AGMO: variants seen among roughly 807,000 people sequenced by gnomAD.
AGMO encodes the protein glyceryl-ether monooxygenase.
In AGMO, 75 loss-of-function variants were observed where a neutral mutation model predicts 60.2. That is an observed-to-expected ratio of 1.25 (90% CI 1.03 to 1.51). The LOEUF (loss-of-function observed/expected upper bound fraction) is 1.51. AGMO is among the 40% of genes most tolerant of loss of function. AGMO has a pLI of 0.00. For synonymous variants in AGMO, 261 were observed against 177.1 expected (o/e 1.47, Z -3.76); for missense variants, 763 against 525.5 (o/e 1.45, Z -4.42).
Position 15,377,893 on chromosome 7 carries a change from G to A in AGMO, c.1074+7553C>T, listed in dbSNP as rs370565421. The stretch of plus-strand genomic sequence containing the variant: ...GATGTTTAGGTGTGCACTGCCAAGC[G>A]TAATGTGGTTCATGCCACAGTTATA... On this transcript the variant is annotated intron_variant, in intron 10 of 12. Coordinates refer to ENST00000342526, the MANE Select transcript of AGMO (RefSeq NM_001004320.2). 5.5e-4 allele frequency among the ~76,000 whole-genome samples: 83 copies of A among 152,076 alleles called. No individual in the cohort carries two copies. In the East Asian group the frequency reaches 0.011, roughly 21 times the overall value.
At chr7:15,335,171 G>A (rs992360275) in intron 12 of AGMO, among the ~76,000 whole-genome samples, 3 of 152,136 alleles carry the variant, frequency 2.0e-5, no homozygotes, top group African/African-American at 4.8e-5. Flanking sequence ...CAGCTGAAGT[G>A]ATGATGGCAT....
intron 12 of AGMO, among the ~76,000 whole-genome samples, chr7:15,247,793 A>G (rs1782793299): frequency 6.6e-6 from 1 of 152,092 alleles, no homozygotes; most frequent in Non-Finnish European, 1.5e-5. Context: ...ATTTCCATAT[A>G]CACCAAACCA....
At chr7:15,428,494 T>C (rs374052228) in intron 4 of AGMO, among the ~76,000 whole-genome samples, 28 of 152,250 alleles carry the variant, frequency 1.8e-4, no homozygotes, top group African/African-American at 5.5e-4. Flanking sequence ...TCATTTTACA[T>C]AGATTTTTGC....
intron 3 of AGMO, among the ~76,000 whole-genome samples, chr7:15,533,990 T>A (rs755423474): frequency 2.6e-5 from 4 of 152,010 alleles, no homozygotes; most frequent in Non-Finnish European, 4.4e-5. Flanking sequence ...TTCGAGAGAA[T>A]AAAACTATAT....
intron 5 of AGMO, among the ~76,000 whole-genome samples, chr7:15,394,429 A>T (rs947896636): frequency 2.0e-5 from 3 of 152,192 alleles, no homozygotes; most frequent in African/African-American, 7.2e-5. Flanking sequence ...CTTTCAGTTC[A>T]GCTCCAGGAA....
At chr7:15,303,248 T>A (rs1780503410) in intron 12 of AGMO, among the ~76,000 whole-genome samples, 1 of 152,156 alleles carries the variant, frequency 6.6e-6, no homozygotes, top group South Asian at 2.1e-4. Context: ...AATGGTACAT[T>A]CAAATTATAA....
At chr7:15,204,900 C>T (rs906630145) in intron 12 of AGMO, among the ~76,000 whole-genome samples, 6 of 152,018 alleles carry the variant, frequency 3.9e-5, no homozygotes, top group Admixed American at 1.3e-4. Flanking sequence ...GCTATGTTGC[C>T]CAAACTGGAC....
At chr7:15,123,937 A>G in the AGMO span, among the ~76,000 whole-genome samples, 1 of 152,220 alleles carries the variant, frequency 6.6e-6, no homozygotes, top group African/African-American at 2.4e-5. Flanking sequence ...AACTTTTTGT[A>G]GCACTTCTAT....
At chr7:15,162,810 G>T in the AGMO span, among the ~76,000 whole-genome samples, 1 of 152,134 alleles carries the variant, frequency 6.6e-6, no homozygotes, top group African/African-American at 2.4e-5. Context: ...CTCCAGCTTT[G>T]TTCTTTAGCT....
chr7:15,248,185 T>TATATAC (rs1443907158), intron 12 of AGMO, among the ~76,000 whole-genome samples: 871 of 42,750 alleles, frequency 0.02, 27 homozygotes, highest in African/African-American at 0.06. Context: ...GCACCATATA[T>TATATAC]ATATATATAT....
chr7:15,431,015 T>C lies in AGMO; in HGVS notation c.503A>G (p.Tyr168Cys). Residue 168 changes from tyrosine to cysteine, a missense_variant, in exon 4 of 13, where the codon TAT becomes TGT. Tyr to Cys is a radical substitution (Grantham distance 194, BLOSUM62 -2). Coordinates refer to ENST00000342526, the MANE Select transcript of AGMO (RefSeq NM_001004320.2). ...TTTCATACAACTTACCCAGGAAGTA[T>C]ATATCTGGAGGACAGACTGTCTCAG... is the stretch of plus-strand genomic sequence containing the variant. ...TALRQSVLQIYTSWIFYSPLA... is the reference protein window; with the variant it reads ...TALRQSVLQICTSWIFYSPLA... The C allele has an allele frequency of 6.3e-7, 1 of 1,593,258 alleles. No individual in the cohort carries two copies. The highest frequency in any genetic ancestry group is 1.7e-5 in the Admixed American group (1 of 58,914).
Position 15,267,742 on chromosome 7 carries a change from C to G in AGMO, c.1264-66383G>C, listed in dbSNP as rs116470145. The stretch of plus-strand genomic sequence containing the variant: ...AAACAGAAACTGGAACATTGAAGAG[C>G]AGTGATTACACAAGCTGAAGGGAAA... On this transcript the variant is annotated intron_variant, in intron 12 of 12. Transcript: ENST00000342526. 9.3e-3 allele frequency among the ~76,000 whole-genome samples: 1,419 copies of G among 151,914 alleles called. 25 individuals carry two copies. The highest frequency in any genetic ancestry group is 0.033 in the African/African-American group (1,381 of 41,472).
chr7:15,226,547 C>T (rs1000067934), intron 12 of AGMO, among the ~76,000 whole-genome samples: 61 of 151,984 alleles, frequency 4.0e-4, no homozygotes, highest in African/African-American at 1.4e-3. Context: ...CATATGAAGC[C>T]ATGCTAAATT....
At chr7:15,388,612 G>A (rs915633169) in intron 8 of AGMO, among the ~76,000 whole-genome samples, 2 of 152,080 alleles carry the variant, frequency 1.3e-5, no homozygotes, top group African/African-American at 4.8e-5. Context: ...CCAATGCTCT[G>A]AAAATGTGTG....
intron 12 of AGMO, among the ~76,000 whole-genome samples, chr7:15,344,927 G>C (rs948695864): frequency 6.6e-6 from 1 of 152,114 alleles, no homozygotes; most frequent in African/African-American, 2.4e-5. Context: ...TTGTTTTCTT[G>C]AGATGCAAAG....
At chr7:15,361,407 G>A (rs1442125529) in intron 12 of AGMO, among the ~76,000 whole-genome samples, 2 of 151,532 alleles carry the variant, frequency 1.3e-5, no homozygotes, top group Non-Finnish European at 2.9e-5. Context: ...GGGCGTGGTG[G>A]CGGGCACCTG....
At chr7:15,539,319 G>T (rs1443583368) in intron 3 of AGMO, among the ~76,000 whole-genome samples, 1 of 151,984 alleles carries the variant, frequency 6.6e-6, no homozygotes, top group African/African-American at 2.4e-5. Context: ...CGAGTTGGCT[G>T]CAGTGTCTGT....
intron 3 of AGMO, among the ~76,000 whole-genome samples, chr7:15,489,528 A>C (rs564181067): frequency 5.1e-4 from 78 of 152,264 alleles, no homozygotes; most frequent in African/African-American, 1.8e-3. Flanking sequence ...TCAGCCAGGA[A>C]AGATTTATGG....
chr7:15,525,548 T>A (rs76218601), intron 3 of AGMO, among the ~76,000 whole-genome samples: 2,022 of 152,248 alleles, frequency 0.013, 44 homozygotes, highest in African/African-American at 0.047. Flanking sequence ...CGCTGAGATC[T>A]GTTTCATTGT....
Sources: allele counts gnomAD v4.1 joint callset (sites outside exome capture counted in the v4.1 genomes callset), GRCh38; gene constraint gnomAD v4.1.1; transcripts MANE v1.5; gene names NCBI Gene and HGNC (gene_info 2026-07-23, HGNC 2026-07-21).